ADAMTS2: variants seen among roughly 807,000 people sequenced by gnomAD.
ADAMTS2 encodes A disintegrin and metalloproteinase with thrombospondin motifs 2.
In ADAMTS2, 50 loss-of-function variants were observed where a neutral mutation model predicts 123.0. The ratio of observed to expected loss-of-function variants is 0.41; its 90% CI spans 0.32 to 0.51. ADAMTS2 has a LOEUF of 0.51. Among genes scored for constraint, ADAMTS2 ranks in the 20% least tolerant of loss-of-function variants. ADAMTS2 has a pLI of 0.35. For synonymous variants in ADAMTS2, 678 were observed against 695.4 expected, an observed-to-expected ratio of 0.98 and a Z score of 0.39; for missense variants, 1,494 against 1,705.2, an observed-to-expected ratio of 0.88 and a Z score of 2.18.
intron 4 of ADAMTS2, among the ~76,000 whole-genome samples, chr5:179,199,168 G>A (rs992047849): frequency 6.6e-6 from 1 of 152,210 alleles, no homozygotes; most frequent in African/African-American, 2.4e-5. Flanking sequence ...CCCGACCTTG[G>A]GGCTTGACCC....
rs555181813 is a variant in ADAMTS2, at chr5:179,300,896, A to G, written c.535-27832T>C. ...TGGCTCTGGCAAAAACTCTTCATCT[A>G]CGCGGAGCCAGAAGAAAGCCAATTA... On this transcript the variant is annotated intron_variant, in intron 2 of 21. Coordinates refer to ENST00000251582, the MANE Select transcript of ADAMTS2 (RefSeq NM_014244.5). 2.2e-4 allele frequency among the ~76,000 whole-genome samples: 34 copies of G among 152,346 alleles called. No individual in the cohort carries two copies. The South Asian group carries it at 5.2e-3, about 23-fold the overall frequency.
Position 179,155,654 on chromosome 5 carries a change from A to T in ADAMTS2, c.1133-735T>A, listed in dbSNP as rs1207450877. Among the ~76,000 whole-genome samples the T allele has an allele frequency of 6.6e-6, 1 of 152,198 alleles. No individual in the cohort carries two copies. Among genetic ancestry groups the T allele is most frequent in the Non-Finnish European group, 1.5e-5 (1 of 68,036 alleles). ...GAGACCCCACGTCAAACTGAGGAAG[A>T]TGGATAATGAGACCTATTCACTTCC... On this transcript the variant is annotated intron_variant, in intron 6 of 21. Coordinates refer to ENST00000251582, the MANE Select transcript of ADAMTS2 (RefSeq NM_014244.5). The surrounding 1 kb of genome is among the most constrained non-coding windows in gnomAD (Gnocchi z 5.1).
intron 2 of ADAMTS2, among the ~76,000 whole-genome samples, chr5:179,326,103 G>A (rs1757309636): frequency 2.0e-5 from 3 of 152,200 alleles, no homozygotes; most frequent in South Asian, 2.1e-4. Context: ...TGCCCGCCAC[G>A]AGACTCTTCT....
intron 2 of ADAMTS2, among the ~76,000 whole-genome samples, chr5:179,338,841 G>A (rs984023732): frequency 6.6e-6 from 1 of 152,180 alleles, no homozygotes; most frequent in African/African-American, 2.4e-5. Flanking sequence ...AGAAAGCAGG[G>A]GTTGGCACCA....
chr5:179,192,058 TGAG>T (rs1435283821), intron 4 of ADAMTS2, among the ~76,000 whole-genome samples: 3 of 152,032 alleles, frequency 2.0e-5, no homozygotes, highest in Non-Finnish European at 2.9e-5. Flanking sequence ...AGAGCAAAGC[TGAG>T]GAGGACTCAG....
rs58141791 is a variant in ADAMTS2 at position 179,201,631 on chromosome 5, CAAAA to C, written c.891+5878_891+5881del. 1.2e-3 allele frequency among the ~76,000 whole-genome samples: 108 copies of C among 91,896 alleles called. 1 individual carries two copies. Among genetic ancestry groups the C allele is most frequent in the Non-Finnish European group, 1.2e-3 (60 of 49,710 alleles). 60.3% of individuals were successfully genotyped at this position (91,896 alleles called of 152,430 possible). On this transcript the variant is annotated intron_variant, in intron 4 of 21. Coordinates refer to ENST00000251582, the MANE Select transcript of ADAMTS2 (RefSeq NM_014244.5). ...GAAACCACTGTCTTTACTAAAAATACAAAAAAAAAAAAAAAAAAAAATTAGACGG... is the reference window on the plus strand; with the variant it reads ...GAAACCACTGTCTTTACTAAAAATACAAAAAAAAAAAAAAAAATTAGACGG...
rs780147082 is a variant in ADAMTS2 at position 179,132,283 on chromosome 5, G to A, written c.2237C>T (p.Ala746Val). The A allele has an allele frequency of 1.9e-6, 3 of 1,614,202 alleles. No homozygotes were observed. In the East Asian group the frequency reaches 6.7e-5, roughly 36 times the overall value. Residue 746 changes from alanine (A) to valine (V), a missense_variant, in exon 15 of 22, where the codon GCA (alanine) becomes GTA (valine). Ala to Val is a moderately conservative substitution (Grantham distance 64). Transcript: ENST00000251582. The surrounding 1 kb of genome is among the most constrained non-coding windows in gnomAD (Gnocchi z 6.1). ...CTGAATGAGCAGGTGTCTGGCTCCT[G>A]CAGGGATCTCAAACATCTTGATGTA... is the stretch of plus-strand genomic sequence containing the variant. ...HGYIKMFEIP[A>V]GARHLLIQEV...
rs952049918 is a variant in ADAMTS2, at chr5:179,189,780, G to T, written c.892-8625C>A. On this transcript the variant is annotated intron_variant, in intron 4 of 21. Coordinates refer to ENST00000251582, the MANE Select transcript of ADAMTS2 (RefSeq NM_014244.5). This position sits in a 1 kb window ranked among gnomAD's most constrained non-coding sequence, Gnocchi z 4.2. ...TATTACAAAGTATCTTCTTAAGGATGGGGGTGGGGAAGAATATTACTAAGT... is the reference window on the plus strand; with the variant it reads ...TATTACAAAGTATCTTCTTAAGGATTGGGGTGGGGAAGAATATTACTAAGT... Among the ~76,000 whole-genome samples the T allele has an allele frequency of 6.6e-6, 1 of 151,034 alleles. No individual in the cohort carries two copies. The highest frequency in any genetic ancestry group is 2.1e-4 in the South Asian group (1 of 4,724).
intron 2 of ADAMTS2, among the ~76,000 whole-genome samples, chr5:179,318,710 G>T (rs891307910): frequency 3.3e-5 from 5 of 152,042 alleles, no homozygotes; most frequent in Non-Finnish European, 7.4e-5. Context: ...CAATGCCAAG[G>T]CCCCCTCGGC....
intron 17 of ADAMTS2, among the ~76,000 whole-genome samples, chr5:179,127,644 G>A (rs915171033): frequency 2.0e-5 from 3 of 152,044 alleles, no homozygotes; most frequent in East Asian, 1.9e-4. Flanking sequence ...CCAATGCCAC[G>A]GCATGATCCT....
rs1401052808 is a variant in ADAMTS2 at position 179,189,269 on chromosome 5, G to A, written c.892-8114C>T. On this transcript the variant is annotated intron_variant, in intron 4 of 21. Coordinates refer to ENST00000251582, the MANE Select transcript of ADAMTS2 (RefSeq NM_014244.5). This position sits in a 1 kb window ranked among gnomAD's most constrained non-coding sequence, Gnocchi z 4.2. ...AATCACCTGGGTGCAGGTGGGCTGA[G>A]TCCAAAAAGAGAGTCAGCAAAGGGT... Among the ~76,000 whole-genome samples, 1 of 152,136 alleles carries A rather than the reference G, an allele frequency of 6.6e-6. No individual in the cohort carries two copies. The highest frequency in any genetic ancestry group is 1.5e-5 in the Non-Finnish European group (1 of 68,028).
chr5:179,297,647 A>C (rs1561704111), intron 2 of ADAMTS2, among the ~76,000 whole-genome samples: 1 of 151,354 alleles, frequency 6.6e-6, no homozygotes, highest in Non-Finnish European at 1.5e-5. Context: ...CATAATGCCA[A>C]CTCCCCACCC....
rs72818607 is a variant in ADAMTS2, at chr5:179,158,393, A to T, written c.1132+330T>A. ...TCCATGTGAGATGCTCTCTGTCTAT[A>T]GAGTGAGTGGAGGTGACAGGCCTCC... On this transcript the variant is annotated intron_variant, in intron 6 of 21. Transcript: ENST00000251582. This position sits in a 1 kb window ranked among gnomAD's most constrained non-coding sequence, Gnocchi z 5.0. Among the ~76,000 whole-genome samples, 1,132 of 152,356 alleles carry T rather than the reference A, an allele frequency of 7.4e-3. 5 individuals carry two copies. The highest frequency in any genetic ancestry group is 0.013 in the Non-Finnish European group (911 of 68,034).
intron 2 of ADAMTS2, among the ~76,000 whole-genome samples, chr5:179,284,374 G>A (rs1755948264): frequency 6.6e-6 from 1 of 151,888 alleles, no homozygotes; most frequent in South Asian, 2.1e-4. Context: ...ACAATAAATG[G>A]TCAGATTATT....
intron 2 of ADAMTS2, among the ~76,000 whole-genome samples, chr5:179,287,843 C>A (rs889275738): frequency 6.6e-6 from 1 of 152,224 alleles, no homozygotes; most frequent in Admixed American, 6.5e-5. Context: ...ACCCGACGGA[C>A]GTCCCCCTTA....
chr5:179,240,058 G>C (rs1765627576), intron 3 of ADAMTS2, among the ~76,000 whole-genome samples: 1 of 152,178 alleles, frequency 6.6e-6, no homozygotes, highest in Non-Finnish European at 1.5e-5. Context: ...GGGTGCTGCT[G>C]AGAGAGCAAA....
intron 4 of ADAMTS2, among the ~76,000 whole-genome samples, chr5:179,205,733 T>C (rs187188390): frequency 6.7e-6 from 1 of 150,334 alleles, no homozygotes; most frequent in Non-Finnish European, 1.5e-5. Context: ...AGGGGCTCGA[T>C]AATGTAGCCA....
intron 2 of ADAMTS2, among the ~76,000 whole-genome samples, chr5:179,295,183 G>A (rs1756295448): frequency 6.6e-6 from 1 of 152,362 alleles, no homozygotes; most frequent in African/African-American, 2.4e-5. Context: ...AAAAGACACA[G>A]AGAAGAACCA....
intron 3 of ADAMTS2, among the ~76,000 whole-genome samples, chr5:179,259,716 T>G (rs1766164471): frequency 1.3e-5 from 2 of 152,214 alleles, no homozygotes; most frequent in African/African-American, 2.4e-5. Context: ...CAGTCTGGCA[T>G]CAGACATTCC....
Sources: allele counts gnomAD v4.1 joint callset (sites outside exome capture counted in the v4.1 genomes callset), GRCh38; gene constraint gnomAD v4.1.1; non-coding constraint Gnocchi (gnomAD v3.1); transcripts MANE v1.5; gene names NCBI Gene and HGNC (gene_info 2026-07-23, HGNC 2026-07-21).